Variants in CNTN3 observed in about 807,000 individuals in gnomAD.
The protein encoded by CNTN3 is contactin-3.
In CNTN3, 60 loss-of-function variants were observed where a neutral mutation model predicts 119.1. That is an observed-to-expected ratio of 0.50 (90% confidence interval 0.41 to 0.62). The LOEUF is 0.62. CNTN3 is among the 20% of genes least tolerant of loss of function. The pLI, the probability that CNTN3 is intolerant of heterozygous loss-of-function variation, is 0.00. For missense variants in CNTN3, 1,101 were observed against 1,242.4 expected (o/e 0.89, Z 1.71); for synonymous variants, 450 against 438.7 (o/e 1.03, Z -0.32).
rs935994193 is a variant in CNTN3 at position 74,312,191 on chromosome 3, C to T, written c.1669-9384G>A. 9.2e-5 allele frequency among the ~76,000 whole-genome samples: 14 copies of T among 152,106 alleles called. No homozygotes were observed. The South Asian group carries it at 2.9e-3, about 32-fold the overall frequency. On this transcript the variant is annotated intron_variant, in intron 13 of 22. Transcript: ENST00000263665. ...ACCTCAGGCCGGACGTGGTGGCTCA[C>T]GCCTGTAATCCCAGCACTTTGGGAG...
At chr3:74,511,613 G>A (rs764284024) in intron 2 of CNTN3, among the ~76,000 whole-genome samples, 5 of 152,004 alleles carry the variant, frequency 3.3e-5, no homozygotes, top group Admixed American at 2.0e-4. Flanking sequence ...AGGTTATAGT[G>A]AACTATGATC....
At chr3:74,453,009 A>G (rs1409416967) in intron 4 of CNTN3, among the ~76,000 whole-genome samples, 6 of 151,730 alleles carry the variant, frequency 4.0e-5, no homozygotes, top group Non-Finnish European at 7.4e-5. Flanking sequence ...CAGCTTTGGT[A>G]TCAGGATGAT....
At chr3:74,521,465 T>C (rs1703542439) in intron 1 of CNTN3, among the ~76,000 whole-genome samples, 1 of 151,216 alleles carries the variant, frequency 6.6e-6, no homozygotes, top group Admixed American at 6.6e-5. Context: ...TTATTAAAAA[T>C]TTTGCTAGAT....
chr3:74,589,434 A>C (rs868551243), intron 1 of CNTN3, among the ~76,000 whole-genome samples: 2 of 144,828 alleles, frequency 1.4e-5, no homozygotes, highest in Non-Finnish European at 3.0e-5. Flanking sequence ...TTAGAATGGC[A>C]ATCATTAAAA....
intron 13 of CNTN3, among the ~76,000 whole-genome samples, chr3:74,316,696 T>C (rs893452023): frequency 3.3e-5 from 5 of 151,892 alleles, no homozygotes; most frequent in Admixed American, 1.3e-4. Context: ...GAGGCCGAGG[T>C]GGGCAGATCA....
chr3:74,503,644 G>A (rs1046290502), intron 2 of CNTN3, among the ~76,000 whole-genome samples: 95 of 152,238 alleles, frequency 6.2e-4, no homozygotes, highest in African/African-American at 2.0e-3. Flanking sequence ...CAAAAAGACA[G>A]AGCCTTGACT....
At chr3:74,416,209 T>C (rs536385109) in intron 5 of CNTN3, among the ~76,000 whole-genome samples, 3 of 152,224 alleles carry the variant, frequency 2.0e-5, no homozygotes, top group South Asian at 2.1e-4. Flanking sequence ...ATCCCCTTCA[T>C]AGATTTACTT....
intron 20 of CNTN3, 133 bp downstream of exon 20, chr3:74,285,172 A>G (rs1575697295): frequency 3.2e-6 from 3 of 936,632 alleles, no homozygotes; most frequent in East Asian, 5.5e-5. Context: ...TTTTGGAGTT[A>G]GGTTTTGGAG....
At chr3:74,409,420 G>C (rs1044679186) in intron 5 of CNTN3, among the ~76,000 whole-genome samples, 1 of 152,016 alleles carries the variant, frequency 6.6e-6, no homozygotes, top group Non-Finnish European at 1.5e-5. Context: ...TTTTGTTGCA[G>C]AGCTCTCTGA....
chr3:74,582,891 C>A (rs928173113), intron 1 of CNTN3, among the ~76,000 whole-genome samples: 1 of 151,958 alleles, frequency 6.6e-6, no homozygotes, highest in African/African-American at 2.4e-5. Flanking sequence ...ATGACCTGAA[C>A]ACAAATGCTT....
chr3:74,461,061 T>G (rs190598408), intron 4 of CNTN3, among the ~76,000 whole-genome samples: 1 of 151,674 alleles, frequency 6.6e-6, no homozygotes, highest in Non-Finnish European at 1.5e-5. Context: ...TGTATAGGTA[T>G]TGAATTTTAT....
At chr3:74,265,087 T>C (rs1232008207) in intron 22 of CNTN3, among the ~76,000 whole-genome samples, 1 of 152,164 alleles carries the variant, frequency 6.6e-6, no homozygotes, top group African/African-American at 2.4e-5. Context: ...GAATGCTTCA[T>C]TGGGTAAGGG....
chr3:74,282,433 T>A (rs1315314984), intron 20 of CNTN3, among the ~76,000 whole-genome samples: 1 of 152,214 alleles, frequency 6.6e-6, no homozygotes, highest in Non-Finnish European at 1.5e-5. Context: ...TTAATAATAG[T>A]ACTTGAGGTT....
intron 3 of CNTN3, among the ~76,000 whole-genome samples, chr3:74,498,551 A>T (rs1281250298): frequency 6.6e-6 from 1 of 151,792 alleles, no homozygotes; most frequent in Non-Finnish European, 1.5e-5. Context: ...AATATTGTTG[A>T]AAGAGACTGA....
chr3:74,453,159 GT>G (rs1404362552), intron 4 of CNTN3, among the ~76,000 whole-genome samples: 3 of 151,976 alleles, frequency 2.0e-5, no homozygotes, highest in Admixed American at 2.0e-4. Context: ...ACTCTTTTTG[GT>G]TGGTAAGCTG....
intron 1 of CNTN3, among the ~76,000 whole-genome samples, chr3:74,614,022 C>G (rs1705126806): frequency 6.6e-6 from 1 of 152,152 alleles, no homozygotes; most frequent in South Asian, 2.1e-4. Context: ...TTCCCACATT[C>G]TGCATCATGC....
intron 19 of CNTN3, among the ~76,000 whole-genome samples, chr3:74,290,299 TA>T (rs974636832): frequency 3.3e-5 from 5 of 152,228 alleles, no homozygotes; most frequent in Non-Finnish European, 7.3e-5. Flanking sequence ...TAGGCAAGTG[TA>T]ACACAATTGT....
At chr3:74,566,983 T>C (rs1481734232) in intron 1 of CNTN3, among the ~76,000 whole-genome samples, 1 of 152,122 alleles carries the variant, frequency 6.6e-6, no homozygotes, top group Non-Finnish European at 1.5e-5. Flanking sequence ...TTTCAGGAGA[T>C]ATGGCCAGAG....
intron 1 of CNTN3, among the ~76,000 whole-genome samples, chr3:74,594,713 T>C (rs1209039989): frequency 6.6e-6 from 1 of 152,176 alleles, no homozygotes; most frequent in African/African-American, 2.4e-5. Flanking sequence ...ACATTTGGGT[T>C]GGTCCCAAGT....
Sources: allele counts gnomAD v4.1 joint callset (sites outside exome capture counted in the v4.1 genomes callset), GRCh38; gene constraint gnomAD v4.1.1; transcripts MANE v1.5; gene names NCBI Gene and HGNC (gene_info 2026-07-23, HGNC 2026-07-21).